Variants in BST1 observed in about 807,000 individuals in gnomAD.
BST1 encodes the protein bone marrow stromal cell antigen 1.
BST1 carries 49 observed loss-of-function variants against 40.6 expected under a neutral mutation model. The ratio of observed to expected loss-of-function variants is 1.21; its 90% CI spans 0.96 to 1.53. The LOEUF is 1.53. Ranked by LOEUF, BST1 falls within the 40% of genes most tolerant of loss-of-function variation. BST1 has a pLI of 0.00. For synonymous variants in BST1, 157 were observed against 159.3 expected (o/e 0.99, Z 0.11); for missense variants, 423 against 395.9 (o/e 1.07, Z -0.58).
chr4:15,722,222 C>T (rs1299837329), intron 7 of BST1, among the ~76,000 whole-genome samples: 7 of 152,206 alleles, frequency 4.6e-5, no homozygotes, highest in Non-Finnish European at 1.0e-4. Flanking sequence ...AGTCAGCCTG[C>T]ATAGTTCAAG....
chr4:15,769,262 G>A, the BST1 span, among the ~76,000 whole-genome samples: 3 of 152,242 alleles, frequency 2.0e-5, no homozygotes, highest in African/African-American at 7.2e-5. Context: ...TGAACTGTGG[G>A]AGAAGGAGCT....
the BST1 span, among the ~76,000 whole-genome samples, chr4:15,743,834 A>C: frequency 6.6e-6 from 1 of 152,230 alleles, no homozygotes; most frequent in South Asian, 2.1e-4. Context: ...GATGGGAGCC[A>C]GGACTGATAG....
intron 8 of BST1, 199 bp from the exon 9 acceptor site, chr4:15,731,541 C>T (rs1721372264): frequency 9.6e-7 from 1 of 1,038,620 alleles, no homozygotes; most frequent in Non-Finnish European, 1.5e-6. Flanking sequence ...CCACCATCTC[C>T]AGAAACTTGG....
the BST1 span, among the ~76,000 whole-genome samples, chr4:15,751,793 A>T: frequency 6.6e-6 from 1 of 152,228 alleles, no homozygotes; most frequent in South Asian, 2.1e-4. Flanking sequence ...TGTATAGTGT[A>T]TATAAATATA....
downstream of BST1, among the ~76,000 whole-genome samples, chr4:15,737,312 T>A (rs1721604873): frequency 6.6e-6 from 1 of 152,216 alleles, no homozygotes; most frequent in South Asian, 2.1e-4. Flanking sequence ...GTGAAGTATT[T>A]TCATAAATGG....
chr4:15,747,427 TC>T, the BST1 span, among the ~76,000 whole-genome samples: 1 of 152,146 alleles, frequency 6.6e-6, no homozygotes, highest in South Asian at 2.1e-4. Flanking sequence ...GGAATCCCAG[TC>T]CCATAATGAT....
the BST1 span, among the ~76,000 whole-genome samples, chr4:15,743,948 G>A: frequency 1.3e-5 from 2 of 152,214 alleles, no homozygotes; most frequent in African/African-American, 4.8e-5. Context: ...GATGGGAATG[G>A]AGGGTGAGAG....
the BST1 span, among the ~76,000 whole-genome samples, chr4:15,765,752 C>A: frequency 6.6e-6 from 1 of 151,946 alleles, no homozygotes; most frequent in Non-Finnish European, 1.5e-5. Flanking sequence ...CCAAGTGCCA[C>A]CTTCTGAGTG....
chr4:15,745,326 C>T, the BST1 span, among the ~76,000 whole-genome samples: 1 of 152,120 alleles, frequency 6.6e-6, no homozygotes, highest in African/African-American at 2.4e-5. Context: ...TGTTGTAATT[C>T]ATGATAACTA....
the BST1 span, among the ~76,000 whole-genome samples, chr4:15,751,674 G>A: frequency 0.014 from 2,143 of 151,326 alleles, 60 homozygotes; most frequent in African/African-American, 0.049. Context: ...TATTTATATA[G>A]TATATGTATA....
In BST1 at chr4:15,711,887, C is replaced by T. The variant is rs1470242016; in HGVS notation, c.532C>T (p.Gln178Ter). The T allele has an allele frequency of 6.2e-7, 1 of 1,612,230 alleles. No individual in the cohort carries two copies. The highest frequency in any genetic ancestry group is 1.7e-5 in the Admixed American group (1 of 59,988). ...VDSFWKRASIQYSKDSSGVIH... is the reference protein window; with the variant it reads ...VDSFWKRASI Reference sequence around the variant, plus strand: ...TTCCTTTTGGAAAAGGGCATCCATCCAGGTAATGCTGGGATGATATCTGAG... The same window carrying T: ...TTCCTTTTGGAAAAGGGCATCCATCTAGGTAATGCTGGGATGATATCTGAG... The change falls in exon 4 of 9, where the codon CAG becomes TAG. Residue 178 changes from glutamine to a stop codon, truncating the protein, a stop_gained and splice_region_variant. Transcript: ENST00000265016. LOFTEE classifies it high-confidence loss of function.
intron 8 of BST1, among the ~76,000 whole-genome samples, chr4:15,725,246 T>A (rs1721037358): frequency 6.6e-6 from 1 of 152,106 alleles, no homozygotes; most frequent in South Asian, 2.1e-4. Flanking sequence ...AGAACCAGGA[T>A]CTGAAGGAGT....
downstream of BST1, chr4:15,737,779 C>G: frequency 6.2e-6 from 8 of 1,286,774 alleles, no homozygotes; most frequent in Non-Finnish European, 8.1e-6. Context: ...CTTTCTGAAC[C>G]TGAACAGGAA....
the BST1 span, among the ~76,000 whole-genome samples, chr4:15,772,851 G>A: frequency 1.3e-5 from 2 of 152,216 alleles, no homozygotes; most frequent in Non-Finnish European, 2.9e-5. Context: ...ACAGAGAGAA[G>A]GCCAGCAGGA....
At chr4:15,714,560 T>TATC (rs922826198) in intron 4 of BST1, among the ~76,000 whole-genome samples, 1 of 152,246 alleles carries the variant, frequency 6.6e-6, no homozygotes, top group African/African-American at 2.4e-5. Flanking sequence ...GACCCTTAAG[T>TATC]ATCATAGTTT....
the BST1 span, among the ~76,000 whole-genome samples, chr4:15,760,704 A>C: frequency 3.3e-5 from 5 of 150,728 alleles, no homozygotes; most frequent in Admixed American, 2.6e-4. Flanking sequence ...TTATTTATTT[A>C]TTTTTCGAGA....
At chr4:15,769,624 C>T in the BST1 span, among the ~76,000 whole-genome samples, 1 of 151,862 alleles carries the variant, frequency 6.6e-6, no homozygotes, top group Non-Finnish European at 1.5e-5. Context: ...CTGGAAGGAG[C>T]CACGTATACA....
the BST1 span, among the ~76,000 whole-genome samples, chr4:15,754,362 G>A: frequency 6.6e-6 from 1 of 152,206 alleles, no homozygotes; most frequent in Admixed American, 6.5e-5. Flanking sequence ...ACAGGGGTAT[G>A]TTGAGTTCAG....
the BST1 span, among the ~76,000 whole-genome samples, chr4:15,744,550 C>T: frequency 2.0e-5 from 3 of 152,176 alleles, no homozygotes; most frequent in Non-Finnish European, 4.4e-5. Flanking sequence ...ATGGGGATTA[C>T]AATTTAAGAT....
Sources: allele counts gnomAD v4.1 joint callset (sites outside exome capture counted in the v4.1 genomes callset), GRCh38; gene constraint gnomAD v4.1.1; transcripts MANE v1.5; gene names NCBI Gene and HGNC (gene_info 2026-07-23, HGNC 2026-07-21).